GLRA3: variants seen among roughly 807,000 people sequenced by gnomAD.
The protein encoded by GLRA3 is glycine receptor subunit alpha-3.
In GLRA3, 44 loss-of-function variants were observed where a neutral mutation model predicts 60.4. That is an observed-to-expected ratio of 0.73 (90% CI 0.57 to 0.94). The LOEUF (loss-of-function observed/expected upper bound fraction) is 0.94. GLRA3 is among the 40% of genes least tolerant of loss of function. The probability of loss-of-function intolerance (pLI) is 0.00; values close to 1 mark genes in which losing one functional copy is unlikely to be tolerated. For missense variants in GLRA3, 508 were observed against 564.6 expected (o/e 0.90, Z 1.02); for synonymous variants, 223 against 192.9 (o/e 1.16, Z -1.29).
chr4:174,699,589 T>C (rs142115632), intron 5 of GLRA3, among the ~76,000 whole-genome samples: 29 of 152,256 alleles, frequency 1.9e-4, no homozygotes, highest in Middle Eastern at 3.4e-3. Flanking sequence ...ACTACTGTAA[T>C]AATAAAATTC....
In GLRA3 at chr4:174,691,857, T is replaced by A. The variant is rs529988447; in HGVS notation, c.575-8918A>T. Among the ~76,000 whole-genome samples the A allele has an allele frequency of 8.2e-3, 1,243 of 151,762 alleles. 11 individuals carry two copies. Among genetic ancestry groups the A allele is most frequent in the Admixed American group, 0.029 (446 of 15,270 alleles). ...AGCGTCTCTGCCTGGCCGCCCATCGTCTGGGATGTGAGGAGCCCCTCTGCC... is the reference window on the plus strand; with the variant it reads ...AGCGTCTCTGCCTGGCCGCCCATCGACTGGGATGTGAGGAGCCCCTCTGCC... On this transcript the variant is annotated intron_variant, in intron 5 of 9. Transcript: ENST00000274093.
intron 4 of GLRA3, among the ~76,000 whole-genome samples, chr4:174,722,066 ATATCTG>A (rs1306914979): frequency 6.6e-6 from 1 of 151,970 alleles, no homozygotes; most frequent in Non-Finnish European, 1.5e-5. Context: ...ATCTATATCT[ATATCTG>A]TATCTATATG....
intron 2 of GLRA3, among the ~76,000 whole-genome samples, chr4:174,773,475 CAA>C (rs1738476391): frequency 6.6e-6 from 1 of 151,990 alleles, no homozygotes; most frequent in African/African-American, 2.4e-5. Flanking sequence ...AGAAAACAAA[CAA>C]ACAACTCATA....
At chr4:174,768,168 C>A (rs1010666534) in intron 2 of GLRA3, among the ~76,000 whole-genome samples, 1 of 152,188 alleles carries the variant, frequency 6.6e-6, no homozygotes, top group Non-Finnish European at 1.5e-5. Flanking sequence ...CTTGGTCAGC[C>A]AGCTCTGGTG....
rs943753217 is a variant in GLRA3 at position 174,641,877 on chromosome 4, A to T, written c.*1909T>A. 6.6e-6 allele frequency: 1 copy of T among 152,106 alleles called. No individual in the cohort carries two copies. Among genetic ancestry groups the T allele is most frequent in the Non-Finnish European group, 1.5e-5 (1 of 67,974 alleles). 9.4% of individuals were successfully genotyped at this position (152,106 alleles called of 1,614,324 possible). ...ATAATTACCTCAAACTCTCCTGCTA[A>T]TTCTCAAGGAATACAAATGACATAT... On this transcript the variant is annotated 3_prime_UTR_variant, in exon 10 of 10. Transcript: ENST00000274093.
At position 174,705,473 on chromosome 4, in the gene GLRA3, A is replaced by C. The variant is rs1408044851; in HGVS notation, c.574+10015T>G. ...AAATAAAAGAAGAAAAGACTGATGA[A>C]TTTCTGGGGGAGGAAATAAAAGAGG... On this transcript the variant is annotated intron_variant, in intron 5 of 9. Transcript: ENST00000274093. Among the ~76,000 whole-genome samples the C allele has an allele frequency of 2.1e-5, 3 of 144,544 alleles. 1 individual carries two copies. Among genetic ancestry groups the C allele is most frequent in the Non-Finnish European group, 4.6e-5 (3 of 64,956 alleles). 94.8% of individuals were successfully genotyped at this position (144,544 alleles called of 152,430 possible). A position where few individuals can be genotyped will look rare whatever the true frequency, so the allele number is the denominator to read the frequency against.
chr4:174,825,727 T>C lies in GLRA3; in HGVS notation c.71+3014A>G, dbSNP rs184281100. Reference sequence around the variant, plus strand: ...AAAATAGCAATATCCAAAACAAGTATGAAAGTTTTAAAAACTTTTTTGTAA... The same window carrying C: ...AAAATAGCAATATCCAAAACAAGTACGAAAGTTTTAAAAACTTTTTTGTAA... On this transcript the variant is annotated intron_variant, in intron 1 of 9. Transcript: ENST00000274093. 3.1e-3 allele frequency among the ~76,000 whole-genome samples: 470 copies of C among 152,202 alleles called. 1 individual carries two copies. Among genetic ancestry groups the C allele is most frequent in the Non-Finnish European group, 4.9e-3 (330 of 67,968 alleles).
At position 174,828,971 on chromosome 4, in the gene GLRA3, C is replaced by G; in HGVS notation, c.-160G>C. Reference sequence around the variant, plus strand: ...TAGACAGCTCCCCGCAGTATGCGGACCCCTTCTCAGCATTGAGCAGAAGTG... The same window carrying G: ...TAGACAGCTCCCCGCAGTATGCGGAGCCCTTCTCAGCATTGAGCAGAAGTG... On this transcript the variant is annotated 5_prime_UTR_variant, in exon 1 of 10. Coordinates refer to ENST00000274093, the MANE Select transcript of GLRA3 (RefSeq NM_006529.4). 1.6e-6 allele frequency: 1 copy of G among 623,128 alleles called. No individual in the cohort carries two copies. The highest frequency in any genetic ancestry group is 1.9e-5 in the South Asian group (1 of 52,386). The allele number at this position is 623,128 out of a possible 1,614,324, so 38.6% of individuals were successfully genotyped here. A position where few individuals can be genotyped will look rare whatever the true frequency, so the allele number is the denominator to read the frequency against.
At position 174,778,484 on chromosome 4, in the gene GLRA3, G is replaced by A. The variant is rs180975197; in HGVS notation, c.199+10332C>T. Among the ~76,000 whole-genome samples, 245 of 152,250 alleles carry A rather than the reference G, an allele frequency of 1.6e-3. 4 individuals carry two copies. In the East Asian group the frequency reaches 0.018, roughly 11 times the overall value. ...ACAGGGGGGATGAGCCAAGATGGCC[G>A]AATAGGAACAGCTCCTGTCTACAGC... is the stretch of plus-strand genomic sequence containing the variant. On this transcript the variant is annotated intron_variant, in intron 2 of 9. Coordinates refer to ENST00000274093, the MANE Select transcript of GLRA3 (RefSeq NM_006529.4).
At chr4:174,754,178 G>A (rs1036961969) in intron 3 of GLRA3, among the ~76,000 whole-genome samples, 1 of 152,164 alleles carries the variant, frequency 6.6e-6, no homozygotes, top group African/African-American at 2.4e-5. Flanking sequence ...CTTGGTGGAT[G>A]AATTCATTAA....
chr4:174,800,793 T>C (rs1434208167), intron 1 of GLRA3, among the ~76,000 whole-genome samples: 1 of 152,134 alleles, frequency 6.6e-6, no homozygotes, highest in African/African-American at 2.4e-5. Context: ...TGCTTATGCC[T>C]GCCTTATGAT....
At chr4:174,751,817 T>C (rs1215514540) in intron 3 of GLRA3, among the ~76,000 whole-genome samples, 2 of 152,088 alleles carry the variant, frequency 1.3e-5, no homozygotes, top group African/African-American at 2.4e-5. Flanking sequence ...GAAAGAATGC[T>C]TACCCTTTTT....
intron 2 of GLRA3, among the ~76,000 whole-genome samples, chr4:174,767,451 A>G (rs1738191642): frequency 6.6e-6 from 1 of 151,740 alleles, no homozygotes; most frequent in Non-Finnish European, 1.5e-5. Context: ...TAAAGTGGCA[A>G]CTCTGGAAAC....
At chr4:174,724,699 G>C (rs1263829497) in intron 4 of GLRA3, among the ~76,000 whole-genome samples, 1 of 151,752 alleles carries the variant, frequency 6.6e-6, no homozygotes, top group East Asian at 1.9e-4. Flanking sequence ...ATACTTTCCA[G>C]GCAGATTTAC....
chr4:174,681,133 A>C (rs1386195156), intron 6 of GLRA3, among the ~76,000 whole-genome samples: 1 of 152,220 alleles, frequency 6.6e-6, no homozygotes, highest in Non-Finnish European at 1.5e-5. Context: ...GATACCACCC[A>C]AGATGTCCCA....
intron 1 of GLRA3, among the ~76,000 whole-genome samples, chr4:174,807,795 C>G (rs1052030943): frequency 2.0e-5 from 3 of 152,070 alleles, no homozygotes; most frequent in Admixed American, 2.0e-4. Flanking sequence ...AGTTTTCCAG[C>G]CAATCTATGA....
At chr4:174,816,994 C>T (rs1052543654) in intron 1 of GLRA3, among the ~76,000 whole-genome samples, 6 of 152,134 alleles carry the variant, frequency 3.9e-5, no homozygotes, top group Admixed American at 3.3e-4. Context: ...CTGAGACGAT[C>T]TGACCATGCT....
intron 6 of GLRA3, among the ~76,000 whole-genome samples, chr4:174,679,476 C>T (rs947664893): frequency 1.3e-5 from 2 of 152,006 alleles, no homozygotes; most frequent in Non-Finnish European, 2.9e-5. Context: ...GTCCAGCTAC[C>T]GGAGAAAAGA....
intron 7 of GLRA3, among the ~76,000 whole-genome samples, chr4:174,674,049 G>A (rs756994690): frequency 6.6e-6 from 1 of 151,988 alleles, no homozygotes; most frequent in African/African-American, 2.4e-5. Context: ...TACCAATCTT[G>A]CCAGATCATC....
Sources: allele counts gnomAD v4.1 joint callset (sites outside exome capture counted in the v4.1 genomes callset), GRCh38; gene constraint gnomAD v4.1.1; transcripts MANE v1.5; gene names NCBI Gene and HGNC (gene_info 2026-07-23, HGNC 2026-07-21).